Variants in CADPS2 observed in about 807,000 individuals in gnomAD.
CADPS2 encodes calcium-dependent secretion activator 2.
Under a neutral mutation model 172.5 loss-of-function variants are expected in CADPS2, and 93 were observed. The observed-to-expected ratio is 0.54, with a 90% CI of 0.46 to 0.64. The LOEUF (loss-of-function observed/expected upper bound fraction) is 0.64, where lower values mean the gene tolerates loss of function less well. Ranked by LOEUF, CADPS2 falls within the 30% of genes least tolerant of loss-of-function variation. The probability of loss-of-function intolerance (pLI) is 0.00; values close to 1 mark genes in which losing one functional copy is unlikely to be tolerated. For synonymous variants in CADPS2, 546 were observed against 555.2 expected, an observed-to-expected ratio of 0.98 and a Z score of 0.23; for missense variants, 1,420 against 1,565.9, an observed-to-expected ratio of 0.91 and a Z score of 1.57.
intron 25 of CADPS2, among the ~76,000 whole-genome samples, chr7:122,372,859 T>A (rs1366100870): frequency 1.3e-5 from 2 of 152,224 alleles, no homozygotes; most frequent in African/African-American, 4.8e-5. Context: ...ATTAAGGATC[T>A]GAAGCTCAGA....
chr7:122,469,319 C>G (rs528199603), intron 14 of CADPS2, among the ~76,000 whole-genome samples: 28 of 152,146 alleles, frequency 1.8e-4, no homozygotes, highest in Non-Finnish European at 3.8e-4. Context: ...TCTGATTATA[C>G]AGTTTGCTTT....
chr7:122,633,870 C>T (rs939006634), intron 3 of CADPS2, among the ~76,000 whole-genome samples: 11 of 152,060 alleles, frequency 7.2e-5, no homozygotes, highest in African/African-American at 2.4e-4. Context: ...TTCTTCAATA[C>T]CTAGCCTGTT....
chr7:122,562,929 G>A (rs1341503662), intron 7 of CADPS2, among the ~76,000 whole-genome samples: 1 of 152,066 alleles, frequency 6.6e-6, no homozygotes, highest in African/African-American at 2.4e-5. Flanking sequence ...TTGGTTACCA[G>A]AATGAAGACC....
At chr7:122,485,504 C>T (rs754088098) in intron 11 of CADPS2, among the ~76,000 whole-genome samples, 43 of 152,264 alleles carry the variant, frequency 2.8e-4, no homozygotes, top group African/African-American at 8.2e-4. Flanking sequence ...TGCCTTTCTT[C>T]GATTCTATGA....
chr7:122,432,643 TAAAAAAAAAAAA>T (rs57311950), intron 17 of CADPS2, among the ~76,000 whole-genome samples: 2 of 108,542 alleles, frequency 1.8e-5, no homozygotes, highest in African/African-American at 3.4e-5. Flanking sequence ...TCTGTTAAAA[TAAAAAAAAAAAA>T]AAAAAAGAAA....
chr7:122,658,379 C>T (rs1284408661), intron 3 of CADPS2, among the ~76,000 whole-genome samples: 2 of 152,152 alleles, frequency 1.3e-5, no homozygotes, highest in Admixed American at 1.3e-4. Context: ...ACCAGCCATC[C>T]CATTACTGGG....
rs761535187 is a variant in CADPS2, at chr7:122,615,233, C to G, written c.1171G>C (p.Glu391Gln). The G allele has an allele frequency of 6.4e-7, 1 of 1,561,030 alleles. No individual in the cohort carries two copies. The highest frequency in any genetic ancestry group is 1.4e-5 in the African/African-American group (1 of 73,694). ...GTCTGAAGTTTTTCTCCTTCCACTT[C>G]CATTGTACAGTAAACAATTCGATTG... ...APNRIVYCTM[E>Q]VEGEKLQTDQ... The change falls in exon 6 of 30, where the codon GAA becomes CAA. Residue 391 changes from glutamate (E) to glutamine (Q), a missense_variant. Glu to Gln is a conservative substitution (Grantham distance 29). Coordinates refer to ENST00000449022, the MANE Select transcript of CADPS2 (RefSeq NM_017954.11).
At chr7:122,585,037 A>C (rs1232627333) in intron 6 of CADPS2, among the ~76,000 whole-genome samples, 1 of 151,892 alleles carries the variant, frequency 6.6e-6, no homozygotes, top group African/African-American at 2.4e-5. Context: ...AAGGGGAGGA[A>C]ATGCTAACGA....
chr7:122,405,392 G>A (rs2046520873), intron 20 of CADPS2, among the ~76,000 whole-genome samples: 1 of 152,216 alleles, frequency 6.6e-6, no homozygotes, highest in Non-Finnish European at 1.5e-5. Flanking sequence ...GCCAGGTGCA[G>A]TGGCTCACAT....
Position 122,325,522 on chromosome 7 carries a change from G to A in CADPS2, c.3672C>T (p.Leu1224=). The change falls in exon 29 of 30, where the codon CTC becomes CTT. Residue 1224 remains leucine (L), a synonymous_variant. Coordinates refer to ENST00000449022, the MANE Select transcript of CADPS2 (RefSeq NM_017954.11). The part of the protein sequence containing the change: ...ICVWLTDRLD[L]QLHIYQLKTL... ...TCTTCAGCTGGTAAATATGGAGTTG[G>A]AGGTCTAATCTATCAGTCAACCACA... 6.2e-7 allele frequency: 1 copy of A among 1,611,454 alleles called. No homozygotes were observed. Among genetic ancestry groups the A allele is most frequent in the Non-Finnish European group, 8.5e-7 (1 of 1,178,664 alleles).
At chr7:122,884,971 A>C (rs1387279394) in intron 1 of CADPS2, among the ~76,000 whole-genome samples, 1 of 152,244 alleles carries the variant, frequency 6.6e-6, no homozygotes, top group African/African-American at 2.4e-5. Flanking sequence ...TATTTCAGAA[A>C]ACTAATAAAT....
intron 2 of CADPS2, among the ~76,000 whole-genome samples, chr7:122,674,077 A>C (rs2082152024): frequency 6.6e-6 from 1 of 152,064 alleles, no homozygotes; most frequent in African/African-American, 2.4e-5. Context: ...CCAGGTGCTA[A>C]ACCCCTTACT....
intron 17 of CADPS2, among the ~76,000 whole-genome samples, chr7:122,416,470 A>G (rs1197547613): frequency 6.6e-6 from 1 of 152,232 alleles, no homozygotes; most frequent in African/African-American, 2.4e-5. Context: ...CGACACAAAG[A>G]GAGCAGATAC....
At chr7:122,835,058 CAT>C (rs1807923734) in intron 1 of CADPS2, among the ~76,000 whole-genome samples, 1 of 152,184 alleles carries the variant, frequency 6.6e-6, no homozygotes, top group South Asian at 2.1e-4. Flanking sequence ...AGACACCTCA[CAT>C]GTTTGGGTAC....
chr7:122,821,277 C>T (rs889058853), intron 1 of CADPS2, among the ~76,000 whole-genome samples: 3 of 152,138 alleles, frequency 2.0e-5, no homozygotes, highest in African/African-American at 7.2e-5. Context: ...CCAGCAAAGG[C>T]AGGTTATGCT....
At chr7:122,706,770 ATG>A (rs1358331791) in intron 2 of CADPS2, among the ~76,000 whole-genome samples, 28 of 147,376 alleles carry the variant, frequency 1.9e-4, no homozygotes, top group African/African-American at 5.0e-4. Context: ...TATAAAATGT[ATG>A]TGTGTGTGTG....
At chr7:122,430,146 C>G (rs1454139827) in intron 17 of CADPS2, among the ~76,000 whole-genome samples, 1 of 152,094 alleles carries the variant, frequency 6.6e-6, no homozygotes, top group African/African-American at 2.4e-5. Flanking sequence ...ACCTGGGAAC[C>G]TGGCAACTAG....
At chr7:122,766,210 T>C (rs866028394) in intron 1 of CADPS2, among the ~76,000 whole-genome samples, 5 of 152,088 alleles carry the variant, frequency 3.3e-5, no homozygotes, top group African/African-American at 1.2e-4. Context: ...AATGTATTCA[T>C]GAGGAATCCA....
At position 122,606,859 on chromosome 7, in the gene CADPS2, TA is replaced by T. The variant is rs2073629269; in HGVS notation, c.1223+8321del. On this transcript the variant is annotated intron_variant, in intron 6 of 29. Transcript: ENST00000449022. The stretch of plus-strand genomic sequence containing the variant: ...AAAGAGGACACACAGTCTATATTAT[TA>T]AATCAGTAGCCCAGGGGAAGAGGAA... 2.0e-5 allele frequency among the ~76,000 whole-genome samples: 3 copies of T among 152,098 alleles called. No homozygotes were observed. The South Asian group carries it at 6.2e-4, about 32-fold the overall frequency.
Sources: gnomAD v4.1 joint callset for allele counts (sites outside exome capture counted in the v4.1 genomes callset) on GRCh38, gnomAD v4.1.1 for gene constraint, MANE v1.5 for transcripts, NCBI Gene and HGNC (gene_info 2026-07-23, HGNC 2026-07-21) for gene names.